The following DLGAP2 variants were observed in gnomAD, a reference collection of about 807,000 sequenced individuals.
DLGAP2 encodes the protein DLG associated protein 2.
A neutral mutation model predicts 100.3 loss-of-function variants in DLGAP2; 26 were observed. The observed-to-expected ratio is 0.26, with a 90% CI of 0.19 to 0.36. The LOEUF (loss-of-function observed/expected upper bound fraction) is 0.36, where lower values mean the gene tolerates loss of function less well. Among genes scored for constraint, DLGAP2 ranks in the 10% least tolerant of loss-of-function variants. The pLI, the probability that DLGAP2 is intolerant of heterozygous loss-of-function variation, is 1.00. For missense variants in DLGAP2, 1,858 were observed against 1,453.2 expected (o/e 1.28, Z -4.53); for synonymous variants, 886 against 630.1 (o/e 1.41, Z -6.08).
At chr8:1,171,455 A>C (rs62488968) in intron 2 of DLGAP2, among the ~76,000 whole-genome samples, 6 of 151,584 alleles carry the variant, frequency 4.0e-5, no homozygotes, top group African/African-American at 1.5e-4. Flanking sequence ...TTTCTGTCTC[A>C]TTGATCTGTC....
chr8:1,326,151 A>G (rs1801016041), intron 3 of DLGAP2, among the ~76,000 whole-genome samples: 1 of 152,158 alleles, frequency 6.6e-6, no homozygotes, highest in African/African-American at 2.4e-5. Flanking sequence ...CCTTAATGCT[A>G]TTTTGAATAA....
At chr8:942,548 C>G (rs1194935584) in intron 2 of DLGAP2, among the ~76,000 whole-genome samples, 1 of 152,246 alleles carries the variant, frequency 6.6e-6, no homozygotes, top group Non-Finnish European at 1.5e-5. Context: ...CCATAGATGA[C>G]TTTTACCTTT....
At chr8:1,304,143 C>A (rs890438583) in intron 3 of DLGAP2, among the ~76,000 whole-genome samples, 2 of 152,202 alleles carry the variant, frequency 1.3e-5, no homozygotes, top group Admixed American at 1.3e-4. Flanking sequence ...GCAAGTGAAG[C>A]CACTGGAATG....
At chr8:1,539,945 A>T (rs1157384686) in intron 4 of DLGAP2, among the ~76,000 whole-genome samples, 2 of 151,906 alleles carry the variant, frequency 1.3e-5, no homozygotes, top group South Asian at 4.2e-4. Flanking sequence ...GTGGCTTCCC[A>T]TCTCTTCTCT....
Position 1,668,188 on chromosome 8 carries a change from C to T in DLGAP2, c.1811-141C>T, listed in dbSNP as rs1362010860. 3 of 728,828 alleles carry T rather than the reference C, an allele frequency of 4.1e-6. No homozygotes were observed. In the Admixed American group the frequency reaches 9.7e-5, roughly 23 times the overall value. The allele number at this position is 728,828 out of a possible 1,614,324, so 45.1% of individuals were successfully genotyped here. A position where few individuals can be genotyped will look rare whatever the true frequency, so the allele number is the denominator to read the frequency against. On this transcript the variant is annotated intron_variant, in intron 8 of 14. Coordinates refer to ENST00000637795, the MANE Select transcript of DLGAP2 (RefSeq NM_001346810.2). Reference sequence around the variant, plus strand: ...CATGTGTGCTGTCTCACTGTCCCCTCATTTCACGCTATTTTTTTAGGCTAG... The same window carrying T: ...CATGTGTGCTGTCTCACTGTCCCCTTATTTCACGCTATTTTTTTAGGCTAG...
chr8:969,305 C>T lies in DLGAP2; in HGVS notation c.73+61339C>T, dbSNP rs184493416. On this transcript the variant is annotated intron_variant, in intron 2 of 14. Transcript: ENST00000637795. Reference sequence around the variant, plus strand: ...TTCACAGTTGGCTCCCTGGGCCTCCCGCTGGCCGACACACTCTGCAGATCT... The same window carrying T: ...TTCACAGTTGGCTCCCTGGGCCTCCTGCTGGCCGACACACTCTGCAGATCT... 3.1e-3 allele frequency among the ~76,000 whole-genome samples: 465 copies of T among 152,288 alleles called. 3 individuals carry two copies. Among genetic ancestry groups the T allele is most frequent in the African/African-American group, 0.01 (420 of 41,552 alleles).
intron 3 of DLGAP2, among the ~76,000 whole-genome samples, chr8:1,431,382 A>T (rs1410175056): frequency 6.6e-6 from 1 of 152,232 alleles, no homozygotes. Context: ...TGCACGTCTG[A>T]TCCATGCTGA....
intron 3 of DLGAP2, among the ~76,000 whole-genome samples, chr8:1,406,631 T>C (rs796353406): frequency 3.6e-4 from 10 of 28,052 alleles, no homozygotes; most frequent in African/African-American, 2.4e-3. Flanking sequence ...TACTGAGCGC[T>C]CCCTCCTTGT....
rs143565541 is a variant in DLGAP2, at chr8:1,162,807, C to T, written c.74-96044C>T. Among the ~76,000 whole-genome samples the T allele has an allele frequency of 3.9e-3, 594 of 152,314 alleles. 1 individual carries two copies. Among genetic ancestry groups the T allele is most frequent in the African/African-American group, 0.014 (562 of 41,570 alleles). ...TACGGCGCTGTGGCCGCCAAACGGCCCAGTTCTGATCTCGGGAGGTCCCCT... is the reference window on the plus strand; with the variant it reads ...TACGGCGCTGTGGCCGCCAAACGGCTCAGTTCTGATCTCGGGAGGTCCCCT... On this transcript the variant is annotated intron_variant, in intron 2 of 14. Transcript: ENST00000637795.
rs550740456 is a variant in DLGAP2, at chr8:1,486,594, C to T, written c.107-14772C>T. On this transcript the variant is annotated intron_variant, in intron 3 of 14. Transcript: ENST00000637795. ...GAACAGTTCAGCATCAGCGGAGATG[C>T]GGCGGCGGCTCCTGAGCCTTGCAGA... 5.3e-5 allele frequency among the ~76,000 whole-genome samples: 8 copies of T among 150,922 alleles called. No homozygotes were observed. In the South Asian group the frequency reaches 6.4e-4, roughly 12 times the overall value.
intron 2 of DLGAP2, among the ~76,000 whole-genome samples, chr8:1,080,559 G>T (rs915136504): frequency 6.6e-6 from 1 of 152,170 alleles, no homozygotes; most frequent in African/African-American, 2.4e-5. Context: ...CACGTCTGAA[G>T]TGGGGTGGGA....
intron 2 of DLGAP2, among the ~76,000 whole-genome samples, chr8:1,059,696 C>A (rs956957064): frequency 6.6e-6 from 1 of 152,058 alleles, no homozygotes; most frequent in African/African-American, 2.4e-5. Flanking sequence ...CTCCTTGGAC[C>A]AAGGCGCCCT....
At chr8:1,535,269 C>A (rs1034621532) in intron 4 of DLGAP2, among the ~76,000 whole-genome samples, 5 of 152,242 alleles carry the variant, frequency 3.3e-5, no homozygotes, top group Non-Finnish European at 2.9e-5. Context: ...TTGAGCCTGG[C>A]AGCTGAATTG....
intron 2 of DLGAP2, among the ~76,000 whole-genome samples, chr8:1,253,687 A>T (rs1159331413): frequency 6.6e-6 from 1 of 152,192 alleles, no homozygotes; most frequent in East Asian, 1.9e-4. Context: ...ACACAAAACC[A>T]TCAGACAGAT....
chr8:1,673,643 C>T (rs574121840), intron 10 of DLGAP2, among the ~76,000 whole-genome samples: 6 of 152,192 alleles, frequency 3.9e-5, no homozygotes, highest in East Asian at 1.9e-4. Context: ...TTGCTGTGGA[C>T]GAACCTACTT....
intron 1 of DLGAP2, among the ~76,000 whole-genome samples, chr8:820,272 T>C (rs1372217292): frequency 6.6e-6 from 1 of 152,236 alleles, no homozygotes; most frequent in Non-Finnish European, 1.5e-5. Context: ...TTTAGTACAA[T>C]ATGTTTTTTA....
intron 2 of DLGAP2, among the ~76,000 whole-genome samples, chr8:1,067,870 G>A (rs1036004529): frequency 2.0e-5 from 3 of 151,958 alleles, no homozygotes; most frequent in African/African-American, 7.3e-5. Flanking sequence ...ACAGGTTTGG[G>A]CAGGTGTTTG....
intron 4 of DLGAP2, 103 bp downstream of exon 4, chr8:1,501,534 A>G (rs1799723879): frequency 6.9e-6 from 8 of 1,152,538 alleles, no homozygotes; most frequent in Non-Finnish European, 8.5e-6. Context: ...ACACGTTAGC[A>G]TGTTTAGAAA....
At chr8:855,134 T>C (rs1207759671) in intron 1 of DLGAP2, among the ~76,000 whole-genome samples, 1 of 152,206 alleles carries the variant, frequency 6.6e-6, no homozygotes, top group African/African-American at 2.4e-5. Flanking sequence ...GTGCAGCGTC[T>C]TCGTGTGGGT....
Sources: gnomAD v4.1 joint callset for allele counts (sites outside exome capture counted in the v4.1 genomes callset) on GRCh38, gnomAD v4.1.1 for gene constraint, MANE v1.5 for transcripts, NCBI Gene and HGNC (gene_info 2026-07-23, HGNC 2026-07-21) for gene names.